Variants in CPS1 observed in about 807,000 individuals in gnomAD.
CPS1 encodes carbamoyl-phosphate synthase 1.
Under a neutral mutation model 174.6 loss-of-function variants are expected in CPS1, and 109 were observed. The ratio of observed to expected loss-of-function variants is 0.62; its 90% confidence interval spans 0.53 to 0.73. The LOEUF is 0.73. Among genes scored for constraint, CPS1 ranks in the 30% least tolerant of loss-of-function variants. The pLI is 0.00. For synonymous variants in CPS1, 637 were observed against 632.0 expected (o/e 1.01, Z -0.12); for missense variants, 1,689 against 1,821.9 (o/e 0.93, Z 1.33).
At position 210,639,036 on chromosome 2, in the gene CPS1, A is replaced by G. The variant is rs1206558047; in HGVS notation, c.2830-114A>G. ...ACGGGTCATACATTTTCCTGTTTGC[A>G]TACTTTACAGTAATAGGAATTAAAG... On this transcript the variant is annotated intron_variant, in intron 22 of 37. Transcript: ENST00000233072. 2.4e-5 allele frequency: 19 copies of G among 782,566 alleles called. No homozygotes were observed. In the Admixed American group the frequency reaches 3.6e-4, roughly 15 times the overall value. 48.5% of individuals were successfully genotyped at this position (782,566 alleles called of 1,614,324 possible). A position where few individuals can be genotyped will look rare whatever the true frequency, so the allele number is the denominator to read the frequency against.
chr2:210,492,189 A>T (rs572026868), intron 1 of CPS1, among the ~76,000 whole-genome samples: 1 of 152,376 alleles, frequency 6.6e-6, no homozygotes, highest in East Asian at 1.9e-4. Flanking sequence ...AAAATAAGTT[A>T]TAAGATATAG....
intron 1 of CPS1, among the ~76,000 whole-genome samples, chr2:210,521,013 A>G (rs1026980202): frequency 3.3e-5 from 5 of 152,052 alleles, no homozygotes; most frequent in South Asian, 2.1e-4. Context: ...GCTTTTCATG[A>G]AGCTTCAAAA....
chr2:210,638,001 C>T (rs1700091499), intron 22 of CPS1, among the ~76,000 whole-genome samples, 158 bp downstream of exon 22: 1 of 152,104 alleles, frequency 6.6e-6, no homozygotes, highest in Non-Finnish European at 1.5e-5. Context: ...CAATTTTATT[C>T]AGCAAGTGAT....
intron 1 of CPS1, chr2:210,519,851 G>A: frequency 2.2e-6 from 2 of 910,744 alleles, no homozygotes; most frequent in Non-Finnish European, 2.6e-6. Context: ...AAATGGCTTT[G>A]TTCTGGGTTG....
chr2:210,554,627 A>G (rs1696842957), upstream of CPS1, among the ~76,000 whole-genome samples: 1 of 151,892 alleles, frequency 6.6e-6, no homozygotes, highest in Admixed American at 6.6e-5. Flanking sequence ...ACTGATTTAA[A>G]TTTATTTTGC....
intron 6 of CPS1, among the ~76,000 whole-genome samples, chr2:210,587,711 C>T (rs1698154724): frequency 6.6e-6 from 1 of 152,084 alleles, no homozygotes; most frequent in Non-Finnish European, 1.5e-5. Context: ...AGTGCTGAAT[C>T]AGGCAATAAT....
chr2:210,485,590 T>C (rs918162511), intron 1 of CPS1, among the ~76,000 whole-genome samples: 1 of 152,238 alleles, frequency 6.6e-6, no homozygotes, highest in African/African-American at 2.4e-5. Flanking sequence ...TTTATCTATA[T>C]TGCAGGTATT....
At chr2:210,615,364 C>T (rs889848274) in intron 20 of CPS1, among the ~76,000 whole-genome samples, 20 of 151,922 alleles carry the variant, frequency 1.3e-4, no homozygotes, top group Non-Finnish European at 1.5e-5. Context: ...TGTCATCTTA[C>T]TCTAGTCAAC....
chr2:210,497,918 A>C (rs113465610), intron 1 of CPS1, among the ~76,000 whole-genome samples: 1,864 of 142,194 alleles, frequency 0.013, 71 homozygotes, highest in Middle Eastern at 0.054. Flanking sequence ...ATATATATAT[A>C]TCTCCAGTAA....
At chr2:210,557,080 A>C (rs1696936022) in intron 1 of CPS1, among the ~76,000 whole-genome samples, 1 of 152,114 alleles carries the variant, frequency 6.6e-6, no homozygotes, top group Non-Finnish European at 1.5e-5. Context: ...AAGAATGATG[A>C]CAATTCTTGT....
intron 1 of CPS1, among the ~76,000 whole-genome samples, chr2:210,536,822 G>GT (rs1415421194): frequency 6.6e-6 from 1 of 152,106 alleles, no homozygotes; most frequent in African/African-American, 2.4e-5. Flanking sequence ...GAGAAAGAGC[G>GT]TAAGAATAAA....
intron 19 of CPS1, among the ~76,000 whole-genome samples, chr2:210,609,591 A>G (rs1699037395): frequency 6.6e-6 from 1 of 151,952 alleles, no homozygotes; most frequent in Non-Finnish European, 1.5e-5. Context: ...AGTATGAACA[A>G]ATCTCAGTCT....
At chr2:210,519,555 C>A (rs543970957) in intron 1 of CPS1, 3 of 153,054 alleles carry the variant, frequency 2.0e-5, no homozygotes, top group African/African-American at 7.2e-5. Flanking sequence ...TTGCAGCTAC[C>A]CATTATCTTC....
chr2:210,589,551 T>C (rs1331170315), intron 7 of CPS1, among the ~76,000 whole-genome samples: 2 of 152,078 alleles, frequency 1.3e-5, no homozygotes, highest in African/African-American at 4.8e-5. Flanking sequence ...GGTAACCTAC[T>C]CTCCTGTCAG....
chr2:210,552,763 C>A (rs1157343045), upstream of CPS1, among the ~76,000 whole-genome samples: 1 of 151,760 alleles, frequency 6.6e-6, no homozygotes, highest in East Asian at 1.9e-4. Context: ...TTTATGTTTC[C>A]TTTAAAGACA....
rs574283825 is a variant in CPS1, at chr2:210,563,324, A to G, written c.126+6465A>G. 1.2e-3 allele frequency among the ~76,000 whole-genome samples: 189 copies of G among 152,290 alleles called. 1 individual carries two copies. The highest frequency in any genetic ancestry group is 1.8e-3 in the Admixed American group (27 of 15,294). On this transcript the variant is annotated intron_variant, in intron 1 of 37. Coordinates refer to ENST00000233072, the MANE Select transcript of CPS1 (RefSeq NM_001875.5). ...GAGAATAGGTTGTTTAAATCAAAGC[A>G]TAAGGAAGGATTCTTGCTTTATATG...
intron 1 of CPS1, among the ~76,000 whole-genome samples, chr2:210,528,005 ACT>A (rs1381978157): frequency 2.0e-5 from 3 of 151,872 alleles, no homozygotes; most frequent in South Asian, 4.2e-4. Context: ...GAATGATCAG[ACT>A]CTCTGTATGA....
In CPS1 at chr2:210,600,796, AG is replaced by A. The variant is rs760042928; in HGVS notation, c.1707+85del. The A allele has an allele frequency of 1.7e-4, 236 of 1,391,110 alleles. 1 individual carries two copies. The highest frequency in any genetic ancestry group is 3.7e-4 in the Middle Eastern group (2 of 5,346). 86.2% of individuals were successfully genotyped at this position (1,391,110 alleles called of 1,614,324 possible). A position where few individuals can be genotyped will look rare whatever the true frequency, so the allele number is the denominator to read the frequency against. On this transcript the variant is annotated intron_variant, in intron 15 of 37. Transcript: ENST00000233072. ...ATGATTTTTCATGCCTAATAATAAT[AG>A]TTAAGATTATTATACTTGCATGCAT...
chr2:210,558,265 T>G (rs1367567575), intron 1 of CPS1, among the ~76,000 whole-genome samples: 1 of 152,056 alleles, frequency 6.6e-6, no homozygotes, highest in African/African-American at 2.4e-5. Context: ...GACATCATGT[T>G]TTAAAGATAG....
Sources: gnomAD v4.1 joint callset for allele counts (sites outside exome capture counted in the v4.1 genomes callset) on GRCh38, gnomAD v4.1.1 for gene constraint, MANE v1.5 for transcripts, NCBI Gene and HGNC (gene_info 2026-07-23, HGNC 2026-07-21) for gene names.